Variants in CHLSN observed in about 807,000 individuals in gnomAD.
CHLSN encodes cholesin.
the CHLSN span, among the ~76,000 whole-genome samples, chr7:1,036,437 GGGTTCGGGTGCTCGTGGTGTGGCCGTGTA>G: frequency 0.088 from 13,258 of 151,086 alleles, 1,046 homozygotes; most frequent in Middle Eastern, 0.17. Flanking sequence ...TGGCCGTGTA[GGGTTCGGGTGCTCGTGGTGTGGCCGTGTA>G]GGGTTCGGGT....
chr7:1,022,864 A>C, the CHLSN span: 1 of 367,636 alleles, frequency 2.7e-6, no homozygotes, highest in Non-Finnish European at 5.6e-6. Context: ...AGACCCACGC[A>C]TACGAGTCCA....
the CHLSN span, among the ~76,000 whole-genome samples, chr7:1,132,267 G>C: frequency 1.3e-5 from 2 of 152,198 alleles, no homozygotes; most frequent in African/African-American, 4.8e-5. Context: ...AAGTAAAGAG[G>C]CTGAGTGCAG....
At chr7:1,000,772 C>T in the CHLSN span, among the ~76,000 whole-genome samples, 7 of 152,342 alleles carry the variant, frequency 4.6e-5, no homozygotes, top group East Asian at 5.8e-4. Context: ...AGCATGTGGA[C>T]GCCACTCTTA....
chr7:986,006 A>G, the CHLSN span, among the ~76,000 whole-genome samples: 93,400 of 151,968 alleles, frequency 0.61, 30,308 homozygotes, highest in African/African-American at 0.83. Flanking sequence ...GGAGCCAGGC[A>G]GGCCCAGAGC....
chr7:1,052,534 G>C, the CHLSN span, among the ~76,000 whole-genome samples: 26 of 152,270 alleles, frequency 1.7e-4, no homozygotes, highest in Admixed American at 1.1e-3. The surrounding 1 kb of genome is among the most constrained non-coding windows in gnomAD (Gnocchi z 4.2). Context: ...CGGAAGAAGT[G>C]GGGGAGCCAG....
chr7:1,009,862 C>G, the CHLSN span: 1 of 1,163,352 alleles, frequency 8.6e-7, no homozygotes, highest in South Asian at 1.6e-5. Context: ...ACCTTCCACA[C>G]AGTGTGTGCG....
chr7:1,005,423 T>G, the CHLSN span, among the ~76,000 whole-genome samples: 2 of 152,242 alleles, frequency 1.3e-5, no homozygotes, highest in Non-Finnish European at 2.9e-5. Context: ...TGCTCGTAAC[T>G]GCACCAGGAA....
the CHLSN span, among the ~76,000 whole-genome samples, chr7:1,104,403 T>C: frequency 7.2e-5 from 11 of 152,170 alleles, no homozygotes; most frequent in African/African-American, 2.4e-4. Flanking sequence ...GCGAGACCCA[T>C]CTCTAATGCA....
chr7:1,072,614 AG>A, the CHLSN span, among the ~76,000 whole-genome samples: 1 of 152,020 alleles, frequency 6.6e-6, no homozygotes, highest in East Asian at 1.9e-4. Context: ...CAGTGCCGCC[AG>A]CTAGGCCTGC....
At chr7:993,932 C>T in the CHLSN span, among the ~76,000 whole-genome samples, 3 of 145,262 alleles carry the variant, frequency 2.1e-5, no homozygotes, top group Middle Eastern at 3.5e-3. Flanking sequence ...GCTCAGAGGC[C>T]GCTTCCTCAG....
At chr7:1,016,091 GCACAGCAGCA>G in the CHLSN span, among the ~76,000 whole-genome samples, 33 of 56,392 alleles carry the variant, frequency 5.9e-4, 1 homozygote, top group East Asian at 7.2e-3. Context: ...ACACAGCAGC[GCACAGCAGCA>G]CACAGCAGCG....
the CHLSN span, among the ~76,000 whole-genome samples, chr7:1,008,507 C>T: frequency 6.6e-6 from 1 of 152,202 alleles, no homozygotes. Flanking sequence ...CTAAGCCTCC[C>T]AGAGAACTGA....
At chr7:1,105,494 G>A in the CHLSN span, among the ~76,000 whole-genome samples, 1 of 152,182 alleles carries the variant, frequency 6.6e-6, no homozygotes. Context: ...GACGCTGATC[G>A]TTACTCACTC....
chr7:993,426 G>A, the CHLSN span, among the ~76,000 whole-genome samples: 2 of 152,228 alleles, frequency 1.3e-5, no homozygotes, highest in East Asian at 3.9e-4. Context: ...GCTCCAGGGA[G>A]AGGAGTGGGG....
the CHLSN span, among the ~76,000 whole-genome samples, chr7:979,015 G>A: frequency 1.3e-5 from 2 of 152,302 alleles, no homozygotes; most frequent in African/African-American, 4.8e-5. Context: ...TCTACGAGCT[G>A]CTGGGCTTCC....
At chr7:1,121,529 G>C in the CHLSN span, among the ~76,000 whole-genome samples, 1 of 152,224 alleles carries the variant, frequency 6.6e-6, no homozygotes, top group Admixed American at 6.5e-5. Context: ...TCATGCTCTA[G>C]TAATACACAC....
At chr7:1,021,540 C>T in the CHLSN span, 1 of 985,326 alleles carries the variant, frequency 1.0e-6, no homozygotes, top group Admixed American at 6.1e-5. Flanking sequence ...TGTCCATCCA[C>T]CGCACAGGAG....
chr7:1,028,226 C>T, the CHLSN span: 3 of 1,081,614 alleles, frequency 2.8e-6, no homozygotes, highest in Non-Finnish European at 3.4e-6. Flanking sequence ...CTCCCTGCAG[C>T]CCGAATGCGG....
At chr7:1,028,617 C>A in the CHLSN span, 1 of 981,638 alleles carries the variant, frequency 1.0e-6, no homozygotes, top group Non-Finnish European at 1.2e-6. Context: ...GCGCAGGGCC[C>A]CTGCCAGCTG....
Sources: allele counts gnomAD v4.1 joint callset (sites outside exome capture counted in the v4.1 genomes callset), GRCh38; gene constraint gnomAD v4.1.1; non-coding constraint Gnocchi (gnomAD v3.1); transcripts MANE v1.5; gene names NCBI Gene and HGNC (gene_info 2026-07-23, HGNC 2026-07-21).